SMPDL3A: variants seen among roughly 807,000 people sequenced by gnomAD.
The protein encoded by SMPDL3A is sphingomyelin phosphodiesterase acid like 3A, also known as cyclic GMP-AMP phosphodiesterase SMPDL3A.
Under a neutral mutation model 38.5 loss-of-function variants are expected in SMPDL3A, and 39 were observed. That is an observed-to-expected ratio of 1.01 (90% CI 0.78 to 1.32). The LOEUF (loss-of-function observed/expected upper bound fraction) is 1.32, where lower values mean the gene tolerates loss of function less well. Ranked by LOEUF, SMPDL3A falls within the 40% of genes most tolerant of loss-of-function variation. The pLI, the probability that SMPDL3A is intolerant of heterozygous loss-of-function variation, is 0.00. For synonymous variants in SMPDL3A, 180 were observed against 194.3 expected, an observed-to-expected ratio of 0.93 and a Z score of 0.61; for missense variants, 502 against 536.2, an observed-to-expected ratio of 0.94 and a Z score of 0.63.
At chr6:122,807,437 T>C (rs1781667956) in intron 7 of SMPDL3A, among the ~76,000 whole-genome samples, 1 of 152,132 alleles carries the variant, frequency 6.6e-6, no homozygotes, top group Admixed American at 6.5e-5. Context: ...AGGCAGAGCT[T>C]GCAGTGAGCC....
chr6:122,799,588 A>G (rs1173052179), intron 3 of SMPDL3A, among the ~76,000 whole-genome samples: 1 of 152,216 alleles, frequency 6.6e-6, no homozygotes, highest in East Asian at 1.9e-4. Context: ...GATGCGTACC[A>G]ATTTTCAATC....
At chr6:122,793,548 G>A (rs923508691) in intron 1 of SMPDL3A, among the ~76,000 whole-genome samples, 1 of 152,162 alleles carries the variant, frequency 6.6e-6, no homozygotes, top group Non-Finnish European at 1.5e-5. Flanking sequence ...GCTGGGTAAA[G>A]TATATCTAAG....
intron 7 of SMPDL3A, among the ~76,000 whole-genome samples, chr6:122,808,115 C>T (rs1781695983): frequency 6.6e-6 from 1 of 152,006 alleles, no homozygotes; most frequent in Non-Finnish European, 1.5e-5. Context: ...TCTTAAAACA[C>T]AACAACATAT....
At chr6:122,801,533 G>GT (rs1363005481) in intron 4 of SMPDL3A, 127 bp downstream of exon 4, 29 of 687,656 alleles carry the variant, frequency 4.2e-5, no homozygotes, top group Admixed American at 3.5e-4. Context: ...GTGGAGGACA[G>GT]TGAGTAGTAA....
In SMPDL3A at chr6:122,806,279, G is replaced by C. The variant is rs756885402; in HGVS notation, c.966G>C (p.Val322=). The change falls in exon 7 of 8, where the codon GTG becomes GTC. Residue 322 remains valine, a synonymous_variant. Coordinates refer to ENST00000368440, the MANE Select transcript of SMPDL3A (RefSeq NM_006714.5). ...TTGTGGCTCCTGCTGTTACACCAGT[G>C]AAGAGTGTTTTAGAAAAACAGACCA... The part of the protein sequence containing the change: ...SLFVAPAVTP[V]KSVLEKQTNN... 6.2e-7 allele frequency: 1 copy of C among 1,613,406 alleles called. No homozygotes were observed.
intron 1 of SMPDL3A, among the ~76,000 whole-genome samples, chr6:122,793,131 T>TA (rs935004242): frequency 1.3e-5 from 2 of 152,162 alleles, no homozygotes; most frequent in Admixed American, 1.3e-4. Context: ...ATGTGAAGCA[T>TA]AAAAAATAGT....
rs201780821 is a variant in SMPDL3A at position 122,803,661 on chromosome 6, T to C, written c.569-3T>C. Reference sequence around the variant, plus strand: ...TAAATGTGTTTTAAAATTGTTTTTATAGGTGGTTTTTATTCACAGAAAGTT... The same window carrying C: ...TAAATGTGTTTTAAAATTGTTTTTACAGGTGGTTTTTATTCACAGAAAGTT... On this transcript the variant is annotated splice_region_variant and splice_polypyrimidine_tract_variant and intron_variant, in intron 4 of 7. Transcript: ENST00000368440. 5.2e-5 allele frequency: 83 copies of C among 1,607,726 alleles called. No homozygotes were observed. The highest frequency in any genetic ancestry group is 6.6e-5 in the Non-Finnish European group (78 of 1,176,158).
chr6:122,793,720 A>G (rs2115160868), intron 1 of SMPDL3A, among the ~76,000 whole-genome samples: 1 of 152,344 alleles, frequency 6.6e-6, no homozygotes, highest in East Asian at 1.9e-4. Flanking sequence ...TAAATATGTC[A>G]TGGAATTATA....
At chr6:122,795,342 C>G (rs955043174) in intron 1 of SMPDL3A, among the ~76,000 whole-genome samples, 3 of 152,074 alleles carry the variant, frequency 2.0e-5, no homozygotes, top group Non-Finnish European at 4.4e-5. Context: ...GGGGTTTCAC[C>G]ATGTTGGCCA....
chr6:122,795,690 T>C lies in SMPDL3A; in HGVS notation c.126T>C (p.His42=). 3 of 1,613,864 alleles carry C rather than the reference T, an allele frequency of 1.9e-6. No individual in the cohort carries two copies. In the South Asian group the frequency reaches 3.3e-5, roughly 18 times the overall value. The change falls in exon 2 of 8, where the codon CAT becomes CAC. Residue 42 remains histidine, a synonymous_variant. Coordinates refer to ENST00000368440, the MANE Select transcript of SMPDL3A (RefSeq NM_006714.5). ...NPPPAIGQFW[H]VTDLHLDPTY... ...TGTAATCAACAGGACAGTTTTGGCA[T>C]GTGACTGACTTACACTTAGACCCTA...
At position 122,789,296 on chromosome 6, in the gene SMPDL3A, G is replaced by A. The variant is rs1470760343; in HGVS notation, c.-51G>A. 4 of 1,336,338 alleles carry A rather than the reference G, an allele frequency of 3.0e-6. No individual in the cohort carries two copies. In the South Asian group the frequency reaches 3.9e-5, roughly 13 times the overall value. The allele number at this position is 1,336,338 out of a possible 1,614,324, so 82.8% of individuals were successfully genotyped here. ...GCCTCACCCTCAGGCCTGACGGTCCGAGTGGAGCTGCGGGACAGCCCGAAC... is the reference window on the plus strand; with the variant it reads ...GCCTCACCCTCAGGCCTGACGGTCCAAGTGGAGCTGCGGGACAGCCCGAAC... On this transcript the variant is annotated 5_prime_UTR_variant, in exon 1 of 8. Transcript: ENST00000368440.
At chr6:122,789,636 G>C (rs1780998728) in intron 1 of SMPDL3A, among the ~76,000 whole-genome samples, 178 bp downstream of exon 1, 1 of 152,380 alleles carries the variant, frequency 6.6e-6, no homozygotes, top group South Asian at 2.1e-4. Context: ...GCGACCAAGG[G>C]ACTACAGCGT....
intron 1 of SMPDL3A, 57 bp from the exon 2 acceptor site, chr6:122,795,620 A>G: frequency 1.5e-6 from 2 of 1,297,732 alleles, no homozygotes; most frequent in Non-Finnish European, 1.1e-6. Context: ...AAATATTTTT[A>G]TGAGAATTCC....
At chr6:122,799,400 C>G (rs117610232) in intron 3 of SMPDL3A, among the ~76,000 whole-genome samples, 3 of 152,278 alleles carry the variant, frequency 2.0e-5, no homozygotes, top group Non-Finnish European at 4.4e-5. Context: ...TGACACCTAT[C>G]CCTGGATAAG....
At chr6:122,794,640 A>C (rs1438383441) in intron 1 of SMPDL3A, among the ~76,000 whole-genome samples, 1 of 152,180 alleles carries the variant, frequency 6.6e-6, no homozygotes, top group Admixed American at 6.5e-5. Context: ...GATGATTTCC[A>C]AGTAAGGGTG....
chr6:122,791,441 G>C (rs1298434571), intron 1 of SMPDL3A, among the ~76,000 whole-genome samples: 1 of 152,128 alleles, frequency 6.6e-6, no homozygotes, highest in Non-Finnish European at 1.5e-5. Context: ...GTATGCACTG[G>C]TAACAATAGC....
intron 3 of SMPDL3A, 73 bp downstream of exon 3, chr6:122,797,041 T>A: frequency 8.2e-7 from 1 of 1,222,430 alleles, no homozygotes. Context: ...TGACAATAAC[T>A]AGCTAGTGAT....
chr6:122,792,655 AG>A (rs1345501934), intron 1 of SMPDL3A, among the ~76,000 whole-genome samples: 2 of 103,096 alleles, frequency 1.9e-5, no homozygotes, highest in East Asian at 5.3e-4. Flanking sequence ...TTTTTTTTTT[AG>A]AGACAGGGTC....
intron 5 of SMPDL3A, 91 bp from the exon 6 acceptor site, chr6:122,804,818 A>G (rs1169173139): frequency 7.6e-6 from 8 of 1,048,424 alleles, no homozygotes; most frequent in Admixed American, 2.4e-5. Context: ...TTTAATTAAT[A>G]TACTTTCAAT....
Sources: gnomAD v4.1 joint callset for allele counts (sites outside exome capture counted in the v4.1 genomes callset) on GRCh38, gnomAD v4.1.1 for gene constraint, MANE v1.5 for transcripts, NCBI Gene and HGNC (gene_info 2026-07-23, HGNC 2026-07-21) for gene names.